Variants in CAMK1D observed in about 807,000 individuals in gnomAD.
CAMK1D encodes the protein calcium/calmodulin dependent protein kinase ID.
Under a neutral mutation model 47.7 loss-of-function variants are expected in CAMK1D, and 9 were observed. The ratio of observed to expected loss-of-function variants is 0.19; its 90% CI spans 0.11 to 0.33. CAMK1D has a LOEUF of 0.33. Ranked by LOEUF, CAMK1D falls within the 10% of genes least tolerant of loss-of-function variation. The pLI, the probability that CAMK1D is intolerant of heterozygous loss-of-function variation, is 1.00. For missense variants in CAMK1D, 291 were observed against 488.7 expected (o/e 0.60, Z 3.81); for synonymous variants, 184 against 184.9 (o/e 0.99, Z 0.04).
intron 2 of CAMK1D, among the ~76,000 whole-genome samples, chr10:12,556,278 C>G (rs1353778013): frequency 1.3e-5 from 2 of 152,212 alleles, no homozygotes; most frequent in Admixed American, 1.3e-4. Context: ...TGGAGACATT[C>G]ATTCATTTAA....
chr10:12,773,767 G>A (rs747125162), intron 5 of CAMK1D, among the ~76,000 whole-genome samples: 10 of 152,244 alleles, frequency 6.6e-5, no homozygotes, highest in South Asian at 6.2e-4. Flanking sequence ...GGTGGCAGGC[G>A]CCTGTAATCC....
intron 1 of CAMK1D, among the ~76,000 whole-genome samples, chr10:12,389,117 G>C (rs938626538): frequency 3.9e-5 from 6 of 152,222 alleles, no homozygotes; most frequent in Non-Finnish European, 8.8e-5. Flanking sequence ...TGCTTAGAGA[G>C]AGGCTAATTA....
intron 1 of CAMK1D, among the ~76,000 whole-genome samples, chr10:12,396,157 A>G (rs1838945019): frequency 6.6e-6 from 1 of 152,064 alleles, no homozygotes; most frequent in Non-Finnish European, 1.5e-5. Flanking sequence ...TACAGGCGTG[A>G]GCCACTGTGC....
At chr10:12,801,747 C>T (rs11595099) in intron 6 of CAMK1D, among the ~76,000 whole-genome samples, 33,269 of 152,166 alleles carry the variant, frequency 0.22, 4,152 homozygotes, top group Admixed American at 0.31. Context: ...CATCACCTGT[C>T]TGTATATCTA....
intron 2 of CAMK1D, among the ~76,000 whole-genome samples, chr10:12,635,217 C>A (rs1023399426): frequency 1.3e-5 from 2 of 152,232 alleles, no homozygotes; most frequent in Admixed American, 6.5e-5. Context: ...CCTGGGTATA[C>A]CTGCCCCGTG....
intron 3 of CAMK1D, among the ~76,000 whole-genome samples, chr10:12,730,439 T>C (rs1834837482): frequency 1.3e-5 from 2 of 152,192 alleles, no homozygotes; most frequent in Admixed American, 1.3e-4. Context: ...CTGAGTCATA[T>C]CCAAGTGAAG....
intron 6 of CAMK1D, among the ~76,000 whole-genome samples, chr10:12,798,996 G>A (rs192471136): frequency 1.2e-3 from 182 of 152,256 alleles, no homozygotes; most frequent in Non-Finnish European, 2.0e-3. Context: ...CTCCACGGTG[G>A]GTGGCACAAT....
chr10:12,591,374 G>A (rs966932575), intron 2 of CAMK1D, among the ~76,000 whole-genome samples: 13 of 152,136 alleles, frequency 8.5e-5, no homozygotes, highest in East Asian at 1.9e-4. Flanking sequence ...ATATGCTCCC[G>A]TAACCGATCA....
At chr10:12,545,775 G>A (rs1272539719) in intron 1 of CAMK1D, among the ~76,000 whole-genome samples, 1 of 152,010 alleles carries the variant, frequency 6.6e-6, no homozygotes, top group Non-Finnish European at 1.5e-5. Context: ...ACTCCAGCCC[G>A]GGTGACAGAG....
Position 12,620,186 on chromosome 10 carries a change from C to CAAAAAAAAAAAAAAAAAAAAAAAAAAAA in CAMK1D, c.225-46545_225-46518dup, listed in dbSNP as rs56027797. Among the ~76,000 whole-genome samples the CAAAAAAAAAAAAAAAAAAAAAAAAAAAA allele has an allele frequency of 4.4e-4, 38 of 86,586 alleles. 1 individual carries two copies. The highest frequency in any genetic ancestry group is 6.2e-4 in the Non-Finnish European group (29 of 47,090). 56.8% of individuals were successfully genotyped at this position (86,586 alleles called of 152,430 possible). ...TGGGCGACAGAGCGAGACTCCGTCT[C>CAAAAAAAAAAAAAAAAAAAAAAAAAAAA]AAAAAAAAAAAAAAAAAAAAAAAAA... On this transcript the variant is annotated intron_variant, in intron 2 of 10. Transcript: ENST00000619168.
chr10:12,549,479 C>T (rs531269881), intron 1 of CAMK1D, among the ~76,000 whole-genome samples: 2 of 152,340 alleles, frequency 1.3e-5, no homozygotes, highest in South Asian at 2.1e-4. Context: ...GTTGCCACCA[C>T]GTGGCTGTTG....
chr10:12,795,795 C>T (rs956236266), intron 6 of CAMK1D, among the ~76,000 whole-genome samples: 1 of 152,202 alleles, frequency 6.6e-6, no homozygotes, highest in Non-Finnish European at 1.5e-5. Flanking sequence ...CAAGGACACT[C>T]ATTTTTAAAA....
intron 3 of CAMK1D, among the ~76,000 whole-genome samples, chr10:12,724,469 A>C (rs1834528862): frequency 6.6e-6 from 1 of 152,176 alleles, no homozygotes; most frequent in Non-Finnish European, 1.5e-5. Context: ...GCTTGTGCAG[A>C]GGTCTCATCT....
intron 3 of CAMK1D, among the ~76,000 whole-genome samples, chr10:12,684,176 G>A (rs751789456): frequency 8.5e-5 from 13 of 152,096 alleles, no homozygotes; most frequent in African/African-American, 1.2e-4. Context: ...GCAGGGACCC[G>A]GTTGCAGTGG....
chr10:12,396,995 C>A (rs890623628), intron 1 of CAMK1D, among the ~76,000 whole-genome samples: 2 of 152,240 alleles, frequency 1.3e-5, no homozygotes, highest in African/African-American at 4.8e-5. Context: ...CGACTGGGCC[C>A]TGTCGGCTGA....
At chr10:12,773,836 T>C (rs985890738) in intron 5 of CAMK1D, among the ~76,000 whole-genome samples, 18 of 152,060 alleles carry the variant, frequency 1.2e-4, no homozygotes, top group African/African-American at 2.7e-4. Flanking sequence ...GAGACAGAGG[T>C]TGCAGTGAGC....
At chr10:12,730,519 G>A (rs979837951) in intron 3 of CAMK1D, among the ~76,000 whole-genome samples, 1 of 152,124 alleles carries the variant, frequency 6.6e-6, no homozygotes, top group African/African-American at 2.4e-5. Flanking sequence ...GGGGTGGAGG[G>A]GACCATTGGT....
At chr10:12,805,395 G>C (rs1838685424) in intron 6 of CAMK1D, among the ~76,000 whole-genome samples, 1 of 129,524 alleles carries the variant, frequency 7.7e-6, no homozygotes, top group African/African-American at 2.9e-5. Flanking sequence ...TTTAAACACA[G>C]AGTTTTGCTC....
At chr10:12,394,273 C>T (rs1347750985) in intron 1 of CAMK1D, among the ~76,000 whole-genome samples, 1 of 152,086 alleles carries the variant, frequency 6.6e-6, no homozygotes, top group Non-Finnish European at 1.5e-5. Context: ...GGGTGCCCCA[C>T]CTCCCTCATA....
Sources: allele counts gnomAD v4.1 joint callset (sites outside exome capture counted in the v4.1 genomes callset), GRCh38; gene constraint gnomAD v4.1.1; transcripts MANE v1.5; gene names NCBI Gene and HGNC (gene_info 2026-07-23, HGNC 2026-07-21).